PC: variants seen among roughly 807,000 people sequenced by gnomAD.
PC encodes pyruvate carboxylase, mitochondrial.
In PC, 46 loss-of-function variants were observed where a neutral mutation model predicts 107.8. The observed-to-expected ratio is 0.43, with a 90% CI of 0.34 to 0.55. The LOEUF (loss-of-function observed/expected upper bound fraction) is 0.55. Among genes scored for constraint, PC ranks in the 20% least tolerant of loss-of-function variants. PC has a pLI of 0.04. For synonymous variants in PC, 662 were observed against 684.7 expected, an observed-to-expected ratio of 0.97 and a Z score of 0.52; for missense variants, 1,241 against 1,643.1, an observed-to-expected ratio of 0.76 and a Z score of 4.23.
At chr11:66,888,903 G>A (rs964673487) in intron 3 of PC, among the ~76,000 whole-genome samples, 1 of 151,910 alleles carries the variant, frequency 6.6e-6, no homozygotes, top group Non-Finnish European at 1.5e-5. Flanking sequence ...GTGAAACCCC[G>A]TCTCTACTAA....
chr11:66,941,922 G>C (rs1949140782), intron 3 of PC, among the ~76,000 whole-genome samples: 2 of 151,990 alleles, frequency 1.3e-5, no homozygotes, highest in Non-Finnish European at 2.9e-5. Context: ...GACCAACATG[G>C]GGAAACCCCG....
At chr11:66,921,440 C>T (rs537041452) in intron 3 of PC, among the ~76,000 whole-genome samples, 13 of 152,144 alleles carry the variant, frequency 8.5e-5, no homozygotes, top group Non-Finnish European at 1.5e-4. Context: ...GCGTCAGATG[C>T]TACTGGGGTA....
At chr11:66,913,792 C>T (rs1359785969) in intron 3 of PC, among the ~76,000 whole-genome samples, 1 of 152,148 alleles carries the variant, frequency 6.6e-6, no homozygotes, top group African/African-American at 2.4e-5. Flanking sequence ...CCCAAAGGAT[C>T]CCAGGGTGGG....
chr11:66,856,925 G>A (rs1310261083), intron 12 of PC: 5 of 146,900 alleles, frequency 3.4e-5, no homozygotes, highest in Admixed American at 6.7e-5. Flanking sequence ...CCCGGGCCTC[G>A]GGCGTGACTG....
At chr11:66,849,200 C>T in intron 22 of PC, 30 bp downstream of exon 22, 8 of 1,613,750 alleles carry the variant, frequency 5.0e-6, no homozygotes, top group Non-Finnish European at 6.8e-6. Context: ...CCAAGCCCCA[C>T]CGCCTGGCTG....
intron 3 of PC, among the ~76,000 whole-genome samples, chr11:66,899,783 C>A (rs116232879): frequency 0.014 from 2,087 of 152,302 alleles, 47 homozygotes; most frequent in African/African-American, 0.046. Flanking sequence ...AGTTCATTTT[C>A]TTTTATTGCT....
At chr11:66,947,555 A>G (rs1183836977) in intron 3 of PC, among the ~76,000 whole-genome samples, 11 of 142,760 alleles carry the variant, frequency 7.7e-5, no homozygotes, top group Non-Finnish European at 1.5e-5. Flanking sequence ...AGCAAGACTC[A>G]GTCTCAAAAA....
chr11:66,858,569 G>C lies in PC; in HGVS notation c.1369-5186C>G, dbSNP rs1398445937. On this transcript the variant is annotated intron_variant, in intron 12 of 22. Coordinates refer to ENST00000393960, the MANE Select transcript of PC (RefSeq NM_001040716.2). This position sits in a 1 kb window ranked among gnomAD's most constrained non-coding sequence, Gnocchi z 5.9. ...ACTTCTGGGCAGTGCCCGAGGGCGA[G>C]TTCTCCTGTGAGCCGCCCCTCATTG... 1 of 1,533,096 alleles carries C rather than the reference G, an allele frequency of 6.5e-7. No individual in the cohort carries two copies. The highest frequency in any genetic ancestry group is 8.7e-7 in the Non-Finnish European group (1 of 1,144,110). The allele number at this position is 1,533,096 out of a possible 1,614,324, so 95.0% of individuals were successfully genotyped here.
chr11:66,869,256 G>A (rs574129459), intron 9 of PC, among the ~76,000 whole-genome samples: 2 of 151,912 alleles, frequency 1.3e-5, no homozygotes, highest in Non-Finnish European at 2.9e-5. Context: ...TCCCAGGCTC[G>A]GCACCTTGCC....
rs1004210072 is a variant in PC at position 66,890,237 on chromosome 11, G to A, written c.1-18078C>T. 5.3e-5 allele frequency among the ~76,000 whole-genome samples: 8 copies of A among 152,272 alleles called. No homozygotes were observed. The East Asian group carries it at 7.7e-4, about 15-fold the overall frequency. On this transcript the variant is annotated intron_variant, in intron 3 of 22. Coordinates refer to ENST00000393960, the MANE Select transcript of PC (RefSeq NM_001040716.2). The stretch of plus-strand genomic sequence containing the variant: ...GTGAGAACACAGTGATCTATGAACC[G>A]GGCAGTGGGCCCTCACCAGACGCTG...
intron 12 of PC, chr11:66,860,093 A>C (rs1158922511): frequency 2.8e-5 from 43 of 1,553,266 alleles, no homozygotes; most frequent in Non-Finnish European, 3.5e-5. Flanking sequence ...GCCTGGGAGG[A>C]GCTTGGGCCC....
intron 3 of PC, among the ~76,000 whole-genome samples, chr11:66,893,979 T>C (rs1042746576): frequency 6.6e-6 from 1 of 151,826 alleles, no homozygotes; most frequent in South Asian, 2.1e-4. Context: ...ATCCCTCACA[T>C]CCTTCCCTCT....
At chr11:66,946,694 T>C (rs757566840) in intron 3 of PC, among the ~76,000 whole-genome samples, 23 of 152,090 alleles carry the variant, frequency 1.5e-4, no homozygotes, top group Admixed American at 2.0e-4. Context: ...GAGGCTGAGA[T>C]GGGAGGATCG....
chr11:66,957,743 C>A (rs915958034), intron 1 of PC: 4 of 152,298 alleles, frequency 2.6e-5, no homozygotes, highest in African/African-American at 9.6e-5. Flanking sequence ...GCCCCACCTC[C>A]TGAATGAGCG....
At chr11:66,936,545 T>C (rs1375819433) in intron 3 of PC, among the ~76,000 whole-genome samples, 1 of 152,182 alleles carries the variant, frequency 6.6e-6, no homozygotes, top group Non-Finnish European at 1.5e-5. Context: ...GTATTGTAAT[T>C]CCATTCTGCT....
chr11:66,913,650 G>A (rs904676019), intron 3 of PC, among the ~76,000 whole-genome samples: 65 of 121,342 alleles, frequency 5.4e-4, no homozygotes, highest in African/African-American at 2.1e-3. Flanking sequence ...CAACAAGAGA[G>A]AAACTCTGTC....
In PC at chr11:66,890,661, C is replaced by T. The variant is rs183245400; in HGVS notation, c.1-18502G>A. On this transcript the variant is annotated intron_variant, in intron 3 of 22. Transcript: ENST00000393960. ...GACTACAGGCATGTGCCACCATGCC[C>T]GGCTAATTTTGTATTTTTAGGAGAG... 3.3e-3 allele frequency among the ~76,000 whole-genome samples: 508 copies of T among 151,784 alleles called. 2 individuals are homozygous for T. Among genetic ancestry groups the T allele is most frequent in the Non-Finnish European group, 5.0e-3 (338 of 67,928 alleles).
At chr11:66,950,135 C>T (rs755288786) in intron 3 of PC, among the ~76,000 whole-genome samples, 3 of 152,154 alleles carry the variant, frequency 2.0e-5, no homozygotes, top group Non-Finnish European at 4.4e-5. Context: ...GATGTGCAAA[C>T]GTAATAAATG....
At chr11:66,900,715 G>A (rs1180115113) in intron 3 of PC, among the ~76,000 whole-genome samples, 2 of 151,988 alleles carry the variant, frequency 1.3e-5, no homozygotes, top group Non-Finnish European at 1.5e-5. Context: ...TATAAGTCTT[G>A]CACTTTTATT....
Sources: allele counts gnomAD v4.1 joint callset (sites outside exome capture counted in the v4.1 genomes callset), GRCh38; gene constraint gnomAD v4.1.1; non-coding constraint Gnocchi (gnomAD v3.1); transcripts MANE v1.5; gene names NCBI Gene and HGNC (gene_info 2026-07-23, HGNC 2026-07-21).